The following CACNA2D3 variants were observed in gnomAD, a reference collection of about 807,000 sequenced individuals.
CACNA2D3 encodes voltage-dependent calcium channel subunit alpha-2/delta-3.
CACNA2D3 carries 60 observed loss-of-function variants against 160.6 expected under a neutral mutation model. That is an observed-to-expected ratio of 0.37 (90% CI 0.30 to 0.46). The LOEUF (loss-of-function observed/expected upper bound fraction) is 0.46. Ranked by LOEUF, CACNA2D3 falls within the 20% of genes least tolerant of loss-of-function variation. The pLI, the probability that CACNA2D3 is intolerant of heterozygous loss-of-function variation, is 1.00. For missense variants in CACNA2D3, 1,205 were observed against 1,365.0 expected, an observed-to-expected ratio of 0.88 and a Z score of 1.85; for synonymous variants, 558 against 492.9, an observed-to-expected ratio of 1.13 and a Z score of -1.75.
intron 9 of CACNA2D3, among the ~76,000 whole-genome samples, chr3:54,604,143 A>G (rs1197605341): frequency 6.6e-6 from 1 of 152,168 alleles, no homozygotes; most frequent in Non-Finnish European, 1.5e-5. Flanking sequence ...GTTAAATGGT[A>G]TTTAACTTTT....
intron 34 of CACNA2D3, among the ~76,000 whole-genome samples, chr3:55,010,051 T>G (rs747433084): frequency 2.6e-5 from 4 of 152,072 alleles, no homozygotes; most frequent in Non-Finnish European, 5.9e-5. Context: ...TCTTAGCAAG[T>G]GAATGTGTGT....
At chr3:54,703,645 T>C (rs1337946728) in intron 11 of CACNA2D3, among the ~76,000 whole-genome samples, 1 of 152,116 alleles carries the variant, frequency 6.6e-6, no homozygotes, top group East Asian at 1.9e-4. Flanking sequence ...CTTTGTAAGG[T>C]CTCATTTTCT....
chr3:54,461,321 C>G (rs1411071596), intron 4 of CACNA2D3, among the ~76,000 whole-genome samples: 3 of 150,498 alleles, frequency 2.0e-5, no homozygotes, highest in Non-Finnish European at 4.5e-5. Context: ...CCCTCTTTTT[C>G]TATTGATTGG....
chr3:54,622,250 G>A (rs551978179), intron 9 of CACNA2D3, among the ~76,000 whole-genome samples: 1 of 152,292 alleles, frequency 6.6e-6, no homozygotes, highest in African/African-American at 2.4e-5. Flanking sequence ...CTGGAACTCA[G>A]TCTCCTGACC....
chr3:54,420,860 C>T (rs1699826722), intron 4 of CACNA2D3, among the ~76,000 whole-genome samples: 1 of 152,178 alleles, frequency 6.6e-6, no homozygotes, highest in African/African-American at 2.4e-5. Flanking sequence ...TTCTGGAAAG[C>T]AGCTTTTGTT....
At chr3:54,295,976 A>C (rs757388607) in intron 2 of CACNA2D3, among the ~76,000 whole-genome samples, 7 of 152,154 alleles carry the variant, frequency 4.6e-5, no homozygotes, top group Non-Finnish European at 1.0e-4. Context: ...GGGCTTTGAC[A>C]AAAGGGTAGG....
intron 13 of CACNA2D3, among the ~76,000 whole-genome samples, chr3:54,767,538 A>G (rs1702247532): frequency 6.6e-6 from 1 of 152,094 alleles, no homozygotes; most frequent in African/African-American, 2.4e-5. Context: ...TAAAGGACCT[A>G]TAAGCAGTGG....
intron 2 of CACNA2D3, among the ~76,000 whole-genome samples, chr3:54,220,713 G>C (rs1052232438): frequency 1.3e-5 from 2 of 152,170 alleles, no homozygotes; most frequent in African/African-American, 2.4e-5. Context: ...TGAACCACTT[G>C]TCTCCTCCTG....
At chr3:54,136,601 G>A (rs972818779) in intron 2 of CACNA2D3, among the ~76,000 whole-genome samples, 5 of 152,254 alleles carry the variant, frequency 3.3e-5, no homozygotes, top group African/African-American at 9.6e-5. Context: ...GAGTGCTTCA[G>A]TGACAGCACA....
intron 4 of CACNA2D3, among the ~76,000 whole-genome samples, chr3:54,448,390 C>T (rs1193962657): frequency 6.6e-6 from 1 of 152,306 alleles, no homozygotes; most frequent in African/African-American, 2.4e-5. Flanking sequence ...GTTTTAGACC[C>T]TGTTTGATCC....
chr3:54,514,080 A>C (rs1379793023), intron 5 of CACNA2D3, among the ~76,000 whole-genome samples: 2 of 152,222 alleles, frequency 1.3e-5, no homozygotes, highest in East Asian at 3.8e-4. Flanking sequence ...TCATAAATGA[A>C]AACTAGTCTT....
chr3:54,647,679 G>A (rs1227777011), intron 11 of CACNA2D3, among the ~76,000 whole-genome samples: 1 of 152,216 alleles, frequency 6.6e-6, no homozygotes, highest in East Asian at 1.9e-4. Flanking sequence ...ATTTGTAAAA[G>A]CTGCCTACCA....
chr3:54,133,198 T>C (rs541917272), intron 2 of CACNA2D3, among the ~76,000 whole-genome samples: 2 of 152,308 alleles, frequency 1.3e-5, no homozygotes, highest in Non-Finnish European at 2.9e-5. Flanking sequence ...TTTTTTGTAT[T>C]TTATGATGTG....
intron 4 of CACNA2D3, among the ~76,000 whole-genome samples, chr3:54,409,434 TGA>T (rs1426313847): frequency 6.6e-6 from 1 of 152,190 alleles, no homozygotes; most frequent in Non-Finnish European, 1.5e-5. Context: ...ACCTATTTCC[TGA>T]GACACAAGAA....
chr3:54,854,129 A>G (rs9855131), intron 17 of CACNA2D3, among the ~76,000 whole-genome samples: 38,636 of 152,112 alleles, frequency 0.25, 6,222 homozygotes, highest in Non-Finnish European at 0.37. Context: ...TTTAGTTTCA[A>G]AGAAAGAATT....
At chr3:54,499,519 C>G (rs1163918708) in intron 4 of CACNA2D3, among the ~76,000 whole-genome samples, 4 of 152,062 alleles carry the variant, frequency 2.6e-5, no homozygotes, top group Non-Finnish European at 5.9e-5. Context: ...TCTAGATCTT[C>G]TTTTCTCTTC....
At chr3:54,843,604 G>C (rs559546459) in intron 16 of CACNA2D3, among the ~76,000 whole-genome samples, 25 of 152,346 alleles carry the variant, frequency 1.6e-4, no homozygotes, top group Admixed American at 1.4e-3. Flanking sequence ...TATGAAAGGG[G>C]TTGTTAGTGG....
At chr3:54,651,973 G>A (rs958831578) in intron 11 of CACNA2D3, among the ~76,000 whole-genome samples, 6 of 152,056 alleles carry the variant, frequency 3.9e-5, no homozygotes, top group Admixed American at 3.9e-4. Flanking sequence ...AAACTGCATT[G>A]TTCTCTTCTC....
At chr3:54,485,896 A>AC (rs1298544661) in intron 4 of CACNA2D3, among the ~76,000 whole-genome samples, 3 of 151,868 alleles carry the variant, frequency 2.0e-5, no homozygotes, top group South Asian at 2.1e-4. Flanking sequence ...ACTAACAGTG[A>AC]CCCCCCAACA....
Sources: gnomAD v4.1 joint callset for allele counts (sites outside exome capture counted in the v4.1 genomes callset) on GRCh38, gnomAD v4.1.1 for gene constraint, MANE v1.5 for transcripts, NCBI Gene and HGNC (gene_info 2026-07-23, HGNC 2026-07-21) for gene names.